FSD1L: variants seen among roughly 807,000 people sequenced by gnomAD.
FSD1L encodes FSD1-like protein.
A neutral mutation model predicts 71.6 loss-of-function variants in FSD1L; 45 were observed. The ratio of observed to expected loss-of-function variants is 0.63; its 90% CI spans 0.49 to 0.81. The LOEUF is 0.81. Among genes scored for constraint, FSD1L ranks in the 30% least tolerant of loss-of-function variants. FSD1L has a pLI of 0.00. For missense variants in FSD1L, 561 were observed against 618.1 expected (o/e 0.91, Z 0.98); for synonymous variants, 197 against 207.2 (o/e 0.95, Z 0.42).
At chr9:105,534,398 CT>C in intron 10 of FSD1L, 94 bp from the exon 11 acceptor site, 2 of 645,740 alleles carry the variant, frequency 3.1e-6, no homozygotes, top group Non-Finnish European at 5.3e-6. Context: ...AATTAGAAAT[CT>C]TTTCAGAGGT....
intron 10 of FSD1L, among the ~76,000 whole-genome samples, chr9:105,528,179 T>A (rs1239946839): frequency 6.6e-6 from 1 of 152,140 alleles, no homozygotes; most frequent in Non-Finnish European, 1.5e-5. Context: ...TGCTCATGGA[T>A]AGGAATAATC....
In FSD1L at chr9:105,475,404, C is replaced by T. The variant is rs566323192; in HGVS notation, c.441+3399C>T. On this transcript the variant is annotated intron_variant, in intron 5 of 13. Coordinates refer to ENST00000481272, the MANE Select transcript of FSD1L (RefSeq NM_001145313.3). ...CACATCTCACTTGTAATGAATGATT[C>T]GCCTGTAGAATATTGTCCATTGAGT... Among the ~76,000 whole-genome samples, 7 of 152,222 alleles carry T rather than the reference C, an allele frequency of 4.6e-5. No homozygotes were observed. In the East Asian group the frequency reaches 5.8e-4, roughly 13 times the overall value.
chr9:105,490,763 A>G, intron 7 of FSD1L, among the ~76,000 whole-genome samples: 4 of 112,900 alleles, frequency 3.5e-5, no homozygotes, highest in Admixed American at 9.6e-5. Context: ...TAAATAGGGA[A>G]TCCTTTCCCC....
chr9:105,477,038 C>T (rs1297785324), intron 5 of FSD1L, among the ~76,000 whole-genome samples: 1 of 152,076 alleles, frequency 6.6e-6, no homozygotes, highest in East Asian at 1.9e-4. Context: ...TCATTTATTC[C>T]TTTCCTGGTT....
At chr9:105,484,540 C>CTTT in intron 7 of FSD1L, 38 bp downstream of exon 7, 1 of 1,282,126 alleles carries the variant, frequency 7.8e-7, no homozygotes, top group Non-Finnish European at 1.0e-6. Context: ...TTGTATAAAA[C>CTTT]TTTTTTTTTT....
chr9:105,477,172 A>C (rs1487741430), intron 5 of FSD1L, among the ~76,000 whole-genome samples: 1 of 152,216 alleles, frequency 6.6e-6, no homozygotes, highest in Non-Finnish European at 1.5e-5. Context: ...AAATTGAATC[A>C]TTGTGGTCAG....
chr9:105,479,996 G>T (rs1157563652), intron 6 of FSD1L, among the ~76,000 whole-genome samples: 2 of 152,188 alleles, frequency 1.3e-5, no homozygotes, highest in Non-Finnish European at 2.9e-5. Flanking sequence ...TTTAGTACTT[G>T]TAATGAACAT....
chr9:105,454,621 C>G (rs1056478190), intron 1 of FSD1L, among the ~76,000 whole-genome samples: 1 of 152,188 alleles, frequency 6.6e-6, no homozygotes, highest in Non-Finnish European at 1.5e-5. Context: ...GTTTCTTTGG[C>G]CGACTATGAG....
intron 3 of FSD1L, among the ~76,000 whole-genome samples, chr9:105,465,595 G>A (rs1431384469): frequency 6.6e-6 from 1 of 152,106 alleles, no homozygotes; most frequent in Non-Finnish European, 1.5e-5. Context: ...TGCAAGGATG[G>A]TTCAACAGAA....
intron 10 of FSD1L, among the ~76,000 whole-genome samples, chr9:105,533,416 C>CTTTTTTTTTTT (rs754896606): frequency 0.048 from 1,379 of 28,974 alleles, 530 homozygotes; most frequent in Non-Finnish European, 0.062. Flanking sequence ...CCATTTCCAT[C>CTTTTTTTTTTT]TTTTTTTTTT....
chr9:105,505,537 G>A (rs1392569034), intron 7 of FSD1L, among the ~76,000 whole-genome samples: 1 of 152,194 alleles, frequency 6.6e-6, no homozygotes, highest in African/African-American at 2.4e-5. Flanking sequence ...GGGATTACAG[G>A]TGTGAGCCAC....
chr9:105,463,929 C>T (rs1830887065), intron 2 of FSD1L, among the ~76,000 whole-genome samples: 1 of 152,078 alleles, frequency 6.6e-6, no homozygotes, highest in Non-Finnish European at 1.5e-5. Flanking sequence ...TTGCTCTATT[C>T]CATTGTCATG....
intron 7 of FSD1L, among the ~76,000 whole-genome samples, chr9:105,500,435 G>C (rs1427495087): frequency 1.3e-5 from 2 of 152,108 alleles, no homozygotes; most frequent in Admixed American, 6.5e-5. Context: ...GGCTGGGGTT[G>C]GTCTGGGTAT....
intron 13 of FSD1L, among the ~76,000 whole-genome samples, chr9:105,541,539 T>C (rs1190250568): frequency 6.6e-6 from 1 of 152,214 alleles, no homozygotes; most frequent in Admixed American, 6.5e-5. Flanking sequence ...TGTCATAAGA[T>C]ACTGCAAGAA....
At chr9:105,510,354 G>C (rs568806962) in intron 9 of FSD1L, among the ~76,000 whole-genome samples, 1 of 152,330 alleles carries the variant, frequency 6.6e-6, no homozygotes, top group South Asian at 2.1e-4. Context: ...ATGAGTCACA[G>C]ATTTTCTAGG....
At chr9:105,477,788 A>G (rs1451992598) in intron 5 of FSD1L, among the ~76,000 whole-genome samples, 2 of 152,204 alleles carry the variant, frequency 1.3e-5, no homozygotes, top group African/African-American at 2.4e-5. Context: ...GACTTAAGAT[A>G]CAGATTCCAC....
At chr9:105,510,758 G>T (rs1399830370) in intron 9 of FSD1L, among the ~76,000 whole-genome samples, 1 of 152,074 alleles carries the variant, frequency 6.6e-6, no homozygotes, top group African/African-American at 2.4e-5. Context: ...GAAGGTAAAT[G>T]ATATTAAATT....
chr9:105,486,007 A>C lies in FSD1L; in HGVS notation c.586+1505A>C, dbSNP rs79576107. Reference sequence around the variant, plus strand: ...GGAACCATTCCTTTTTTCCTTGAATATATGGTCAGTGACTTTAAAATACGA... The same window carrying C: ...GGAACCATTCCTTTTTTCCTTGAATCTATGGTCAGTGACTTTAAAATACGA... On this transcript the variant is annotated intron_variant, in intron 7 of 13. Transcript: ENST00000481272. Among the ~76,000 whole-genome samples, 796 of 147,572 alleles carry C rather than the reference A, an allele frequency of 5.4e-3. 7 individuals carry two copies. Among genetic ancestry groups the C allele is most frequent in the Non-Finnish European group, 7.4e-3 (501 of 67,950 alleles).
At chr9:105,448,279 C>T (rs1249566726) in intron 1 of FSD1L, 44 bp downstream of exon 1, 1 of 1,512,020 alleles carries the variant, frequency 6.6e-7, no homozygotes, top group Admixed American at 2.1e-5. Flanking sequence ...ACAAGCCGGG[C>T]CGGCACAGGG....
Sources: gnomAD v4.1 joint callset for allele counts (sites outside exome capture counted in the v4.1 genomes callset) on GRCh38, gnomAD v4.1.1 for gene constraint, MANE v1.5 for transcripts, NCBI Gene and HGNC (gene_info 2026-07-23, HGNC 2026-07-21) for gene names.